The following B3GALT1 variants were observed in gnomAD, a reference collection of about 807,000 sequenced individuals.
B3GALT1 encodes the protein beta-1,3-galactosyltransferase 1.
Under a neutral mutation model 23.2 loss-of-function variants are expected in B3GALT1, and 10 were observed. That is an observed-to-expected ratio of 0.43 (90% confidence interval 0.27 to 0.73). The LOEUF is 0.73. Among genes scored for constraint, B3GALT1 ranks in the 30% least tolerant of loss-of-function variants. The pLI, the probability that B3GALT1 is intolerant of heterozygous loss-of-function variation, is 0.21. For missense variants in B3GALT1, 299 were observed against 405.4 expected, an observed-to-expected ratio of 0.74 and a Z score of 2.25; for synonymous variants, 156 against 141.5, an observed-to-expected ratio of 1.10 and a Z score of -0.73.
chr2:167,778,655 C>G (rs72878705), intron 3 of B3GALT1, among the ~76,000 whole-genome samples: 1,756 of 152,248 alleles, frequency 0.012, 22 homozygotes, highest in South Asian at 0.068. Flanking sequence ...TTTGAAAAAG[C>G]TTTGGATTTA....
In B3GALT1 at chr2:167,858,775, T is replaced by C. The variant is rs1457757615; in HGVS notation, c.-229-10036T>C. On this transcript the variant is annotated intron_variant, in intron 4 of 4. Transcript: ENST00000392690. ...ATTATGGATTCCAGTAAATCAATAT[T>C]ATATAAAGGAACAATTGAAAACAAA... Among the ~76,000 whole-genome samples the C allele has an allele frequency of 5.3e-5, 8 of 152,290 alleles. 1 individual carries two copies. The South Asian group carries it at 1.4e-3, about 28-fold the overall frequency.
At chr2:167,720,253 T>G (rs73019330) in intron 3 of B3GALT1, among the ~76,000 whole-genome samples, 5,212 of 152,276 alleles carry the variant, frequency 0.034, 144 homozygotes, top group South Asian at 0.11. Context: ...TTTATTTAGT[T>G]TTGTGGTTTG....
At chr2:167,604,309 C>A (rs915601542) in intron 2 of B3GALT1, among the ~76,000 whole-genome samples, 1 of 152,096 alleles carries the variant, frequency 6.6e-6, no homozygotes, top group Non-Finnish European at 1.5e-5. Flanking sequence ...TCAAAGATGA[C>A]AAGAATTTGC....
At chr2:167,617,216 C>T (rs1313098353) in intron 2 of B3GALT1, among the ~76,000 whole-genome samples, 1 of 152,012 alleles carries the variant, frequency 6.6e-6, no homozygotes, top group African/African-American at 2.4e-5. Flanking sequence ...TCATCATCCA[C>T]ATTAAAGGCA....
Position 167,869,367 on chromosome 2 carries a change from A to G in B3GALT1, c.328A>G (p.Ile110Val). 6.2e-7 allele frequency: 1 copy of G among 1,614,106 alleles called. No homozygotes were observed. The change falls in exon 5 of 5, where the codon ATC (isoleucine) becomes GTC (valine). Residue 110 changes from isoleucine (I) to valine (V), a missense_variant. Physicochemically the swap from Ile to Val is conservative, Grantham distance 29. Around this residue, in one of 3 missense-constraint regions of B3GALT1, gnomAD observed 162 missense variants for 184.1 expected, o/e 0.88. Coordinates refer to ENST00000392690, the MANE Select transcript of B3GALT1 (RefSeq NM_020981.4). This position sits in a 1 kb window ranked among gnomAD's most constrained non-coding sequence, Gnocchi z 6.4. ...GGGGGATGAGAACAACTTTAAGGGG[A>G]TCAAGATAGCCACCCTGTTCCTCCT... ...TWGDENNFKG[I>V]KIATLFLLGK...
At chr2:167,803,536 T>G (rs1015822432) in intron 3 of B3GALT1, among the ~76,000 whole-genome samples, 1 of 152,126 alleles carries the variant, frequency 6.6e-6, no homozygotes, top group Admixed American at 6.5e-5. Flanking sequence ...TCTGGATGAT[T>G]TAAGGCATCT....
chr2:167,821,431 CTTT>C lies in B3GALT1; in HGVS notation c.-230+2658_-230+2660del, dbSNP rs10573752. On this transcript the variant is annotated intron_variant, in intron 4 of 4. Transcript: ENST00000392690. ...CTCATGAGATTTGACAAGGAAGGTACTTTTTTTTTTTTTTTTTTTTTTGAGACG... is the reference window on the plus strand; with the variant it reads ...CTCATGAGATTTGACAAGGAAGGTACTTTTTTTTTTTTTTTTTTTGAGACG... 9.2e-3 allele frequency among the ~76,000 whole-genome samples: 1,003 copies of C among 108,696 alleles called. 13 individuals carry two copies. The highest frequency in any genetic ancestry group is 0.035 in the African/African-American group (921 of 26,116). 71.3% of individuals were successfully genotyped at this position (108,696 alleles called of 152,430 possible).
intron 3 of B3GALT1, among the ~76,000 whole-genome samples, chr2:167,661,862 A>C (rs778585186): frequency 3.3e-5 from 5 of 152,108 alleles, no homozygotes; most frequent in Non-Finnish European, 5.9e-5. Context: ...TTCCGGACTC[A>C]ATATCACAAC....
At chr2:167,459,451 C>G (rs1175847152) in intron 1 of B3GALT1, among the ~76,000 whole-genome samples, 1 of 152,130 alleles carries the variant, frequency 6.6e-6, no homozygotes, top group Non-Finnish European at 1.5e-5. Context: ...TACATCTTTG[C>G]ATGTTTCCTG....
At chr2:167,685,646 G>T (rs1186974516) in intron 3 of B3GALT1, among the ~76,000 whole-genome samples, 1 of 152,088 alleles carries the variant, frequency 6.6e-6, no homozygotes, top group Non-Finnish European at 1.5e-5. Context: ...ATGCCCAAGA[G>T]GTAGAATATG....
intron 1 of B3GALT1, among the ~76,000 whole-genome samples, chr2:167,457,952 G>A (rs1478132861): frequency 6.6e-6 from 1 of 152,014 alleles, no homozygotes; most frequent in African/African-American, 2.4e-5. Context: ...ATTTTCTATT[G>A]TGGTAAAATA....
At chr2:167,326,370 C>T (rs1447860046) in intron 1 of B3GALT1, among the ~76,000 whole-genome samples, 2 of 151,848 alleles carry the variant, frequency 1.3e-5, no homozygotes, top group East Asian at 3.9e-4. Flanking sequence ...TAAACATTTT[C>T]TCCCATTAAA....
chr2:167,850,966 A>G (rs774222431), intron 4 of B3GALT1, among the ~76,000 whole-genome samples: 40 of 152,308 alleles, frequency 2.6e-4, no homozygotes, highest in Non-Finnish European at 4.4e-4. Context: ...AACTTATGGA[A>G]AAATAATAAA....
chr2:167,570,786 A>AG (rs1684278008), intron 2 of B3GALT1, among the ~76,000 whole-genome samples: 2 of 151,884 alleles, frequency 1.3e-5, no homozygotes, highest in South Asian at 4.1e-4. Context: ...TCTGAAAACA[A>AG]GGGGTTATAT....
At chr2:167,590,345 CAAAA>C (rs397873377) in intron 2 of B3GALT1, among the ~76,000 whole-genome samples, 2 of 78,298 alleles carry the variant, frequency 2.6e-5, no homozygotes, top group Admixed American at 1.4e-4. Flanking sequence ...GACTCTGTCT[CAAAA>C]AAAAAAAAAA....
At chr2:167,381,573 T>C (rs1427250263) in intron 1 of B3GALT1, among the ~76,000 whole-genome samples, 2 of 152,172 alleles carry the variant, frequency 1.3e-5, no homozygotes, top group African/African-American at 2.4e-5. Flanking sequence ...GTGATTCTAA[T>C]GTGCAGCCAA....
chr2:167,574,980 C>T (rs1380245511), intron 2 of B3GALT1, among the ~76,000 whole-genome samples: 1 of 151,706 alleles, frequency 6.6e-6, no homozygotes, highest in African/African-American at 2.4e-5. Flanking sequence ...TAAATGCAGA[C>T]TTTACAGCAT....
At chr2:167,852,863 A>G (rs1323702182) in intron 4 of B3GALT1, among the ~76,000 whole-genome samples, 1 of 152,164 alleles carries the variant, frequency 6.6e-6, no homozygotes, top group African/African-American at 2.4e-5. Flanking sequence ...TACTCAGATT[A>G]TTTCTTCCTC....
chr2:167,462,550 G>C (rs527499986), intron 1 of B3GALT1, among the ~76,000 whole-genome samples: 1 of 152,172 alleles, frequency 6.6e-6, no homozygotes, highest in East Asian at 1.9e-4. Flanking sequence ...CCTAAAAATT[G>C]GCAGCTGTAT....
Sources: allele counts gnomAD v4.1 joint callset (sites outside exome capture counted in the v4.1 genomes callset), GRCh38; gene constraint gnomAD v4.1.1; regional missense constraint gnomAD v4.1.1; non-coding constraint Gnocchi (gnomAD v3.1); transcripts MANE v1.5; gene names NCBI Gene and HGNC (gene_info 2026-07-23, HGNC 2026-07-21).